The following EIF2B3 variants were observed in gnomAD, a reference collection of about 807,000 sequenced individuals.
EIF2B3 encodes the protein translation initiation factor eIF2B subunit gamma.
EIF2B3 carries 20 observed loss-of-function variants against 54.1 expected under a neutral mutation model. That is an observed-to-expected ratio of 0.37 (90% CI 0.26 to 0.54). The LOEUF is 0.54. EIF2B3 is among the 20% of genes least tolerant of loss of function. EIF2B3 has a pLI of 0.86. For missense variants in EIF2B3, 448 were observed against 547.8 expected (o/e 0.82, Z 1.82); for synonymous variants, 153 against 188.1 (o/e 0.81, Z 1.52).
At chr1:44,969,723 T>C (rs1260043014) in intron 3 of EIF2B3, among the ~76,000 whole-genome samples, 1 of 152,208 alleles carries the variant, frequency 6.6e-6, no homozygotes, top group Non-Finnish European at 1.5e-5. Context: ...CAATGTTGAT[T>C]ACTTTTGTAC....
chr1:44,943,242 G>A (rs1217870330), intron 3 of EIF2B3, among the ~76,000 whole-genome samples: 7 of 151,228 alleles, frequency 4.6e-5, no homozygotes, highest in African/African-American at 1.7e-4. Context: ...AGTCCAGGTT[G>A]GTCTTGAACT....
rs1644490196 is a variant in EIF2B3 at position 44,979,476 on chromosome 1, A to C, written c.149-1016T>G. Among the ~76,000 whole-genome samples the C allele has an allele frequency of 2.9e-5, 4 of 135,868 alleles. No individual in the cohort carries two copies. In the South Asian group the frequency reaches 8.8e-4, roughly 30 times the overall value. 89.1% of individuals were successfully genotyped at this position (135,868 alleles called of 152,430 possible). Reference sequence around the variant, plus strand: ...ACGTGGCGAAACCCTGTCTCTGCCAAAAAAAAAAAAAAAAAAAAAAGGAGG... The same window carrying C: ...ACGTGGCGAAACCCTGTCTCTGCCACAAAAAAAAAAAAAAAAAAAAGGAGG... On this transcript the variant is annotated intron_variant, in intron 2 of 11. Coordinates refer to ENST00000360403, the MANE Select transcript of EIF2B3 (RefSeq NM_020365.5).
At chr1:44,911,222 CATAGGAATGAGAGA>C (rs1340377935) in intron 5 of EIF2B3, among the ~76,000 whole-genome samples, 1 of 152,178 alleles carries the variant, frequency 6.6e-6, no homozygotes, top group East Asian at 1.9e-4. Context: ...CCCAGAGGGT[CATAGGAATGAGAGA>C]ATATTTTTAT....
chr1:44,959,262 G>GA, intron 3 of EIF2B3: 1 of 691,152 alleles, frequency 1.4e-6, no homozygotes, highest in Non-Finnish European at 2.7e-6. Context: ...TTTCAGTTCA[G>GA]ACCTTTTTTT....
At chr1:44,956,282 C>T (rs1252189183) in intron 3 of EIF2B3, among the ~76,000 whole-genome samples, 1 of 152,064 alleles carries the variant, frequency 6.6e-6, no homozygotes, top group Non-Finnish European at 1.5e-5. Flanking sequence ...CCAAACACTG[C>T]ATGTTCTCAC....
intron 4 of EIF2B3, among the ~76,000 whole-genome samples, chr1:44,935,792 C>T (rs1254388162): frequency 1.3e-5 from 2 of 152,222 alleles, no homozygotes; most frequent in African/African-American, 4.8e-5. Flanking sequence ...TGAGCCACTG[C>T]ACCCAGCCTG....
intron 10 of EIF2B3, among the ~76,000 whole-genome samples, chr1:44,859,290 G>T (rs1654536626): frequency 6.7e-6 from 1 of 150,314 alleles, no homozygotes; most frequent in African/African-American, 2.5e-5. Flanking sequence ...AATAGAGGGA[G>T]ATCTTGTCAT....
intron 4 of EIF2B3, among the ~76,000 whole-genome samples, chr1:44,939,467 T>C (rs1433884523): frequency 2.0e-5 from 3 of 152,224 alleles, no homozygotes; most frequent in Non-Finnish European, 2.9e-5. Flanking sequence ...GTTGTAAATA[T>C]AGTTAACAAG....
intron 6 of EIF2B3, among the ~76,000 whole-genome samples, chr1:44,889,315 C>T (rs550299998): frequency 1.3e-5 from 2 of 152,226 alleles, no homozygotes; most frequent in East Asian, 3.9e-4. Flanking sequence ...GCGGGTGGAT[C>T]ACTTGAGGTC....
At chr1:44,913,617 G>A (rs991684674) in intron 5 of EIF2B3, among the ~76,000 whole-genome samples, 6 of 152,096 alleles carry the variant, frequency 3.9e-5, no homozygotes, top group Admixed American at 2.0e-4. Flanking sequence ...GGATCTTCCC[G>A]TCTCCGCCTC....
At chr1:44,912,399 ATTTTTT>A (rs1239884000) in intron 5 of EIF2B3, among the ~76,000 whole-genome samples, 12 of 151,912 alleles carry the variant, frequency 7.9e-5, no homozygotes, top group Admixed American at 7.9e-4. Flanking sequence ...CTGTCAGATT[ATTTTTT>A]TTCAGAATCC....
chr1:44,961,532 T>C (rs192051301), intron 3 of EIF2B3, among the ~76,000 whole-genome samples: 1 of 152,052 alleles, frequency 6.6e-6, no homozygotes, highest in Admixed American at 6.5e-5. Flanking sequence ...ATTTTTTAAA[T>C]TAGGCAGGTG....
At chr1:44,950,311 C>G (rs188061756) in intron 3 of EIF2B3, among the ~76,000 whole-genome samples, 13 of 152,248 alleles carry the variant, frequency 8.5e-5, no homozygotes, top group Middle Eastern at 3.4e-3. Flanking sequence ...GTAGTCCCAG[C>G]TACTTGAGAG....
intron 6 of EIF2B3, among the ~76,000 whole-genome samples, chr1:44,882,928 C>CTTTTTTTTTTTTTTT (rs1003449669): frequency 5.2e-5 from 6 of 114,452 alleles, no homozygotes; most frequent in East Asian, 2.5e-4. Context: ...TTTTCTTTTT[C>CTTTTTTTTTTTTTTT]TTTTTTTTTT....
chr1:44,917,441 C>T (rs774962914), intron 5 of EIF2B3, among the ~76,000 whole-genome samples: 4 of 148,492 alleles, frequency 2.7e-5, no homozygotes, highest in Admixed American at 6.8e-5. Context: ...TGCGGTGAGC[C>T]GAGATCACGC....
At chr1:44,892,003 T>C (rs887058710) in intron 6 of EIF2B3, among the ~76,000 whole-genome samples, 3 of 152,178 alleles carry the variant, frequency 2.0e-5, no homozygotes, top group African/African-American at 7.2e-5. Context: ...CCTCCCAAAA[T>C]GCTGGGATTA....
chr1:44,918,353 A>T (rs548896369), intron 5 of EIF2B3, among the ~76,000 whole-genome samples: 1 of 151,734 alleles, frequency 6.6e-6, no homozygotes, highest in Non-Finnish European at 1.5e-5. Flanking sequence ...AAGTGCTGGG[A>T]TTATAGGAGT....
chr1:44,899,327 A>C (rs1467746974), intron 5 of EIF2B3, among the ~76,000 whole-genome samples: 1 of 152,228 alleles, frequency 6.6e-6, no homozygotes, highest in Non-Finnish European at 1.5e-5. Flanking sequence ...ATAATCAAAC[A>C]TTCCCCTTTC....
Position 44,881,590 on chromosome 1 carries a change from C to A in EIF2B3, c.784+22G>T. ...GGTGCTGCTACCCTTGCCCCTCTTA[C>A]TGAACCAACCCAAGAACTGACCTAA... is the stretch of plus-strand genomic sequence containing the variant. On this transcript the variant is annotated intron_variant, in intron 7 of 11. Coordinates refer to ENST00000360403, the MANE Select transcript of EIF2B3 (RefSeq NM_020365.5). This position sits in a 1 kb window ranked among gnomAD's most constrained non-coding sequence, Gnocchi z 4.0. The A allele has an allele frequency of 5.6e-6, 9 of 1,613,632 alleles. No individual in the cohort carries two copies. Among genetic ancestry groups the A allele is most frequent in the Non-Finnish European group, 7.6e-6 (9 of 1,179,690 alleles).
Sources: allele counts gnomAD v4.1 joint callset (sites outside exome capture counted in the v4.1 genomes callset), GRCh38; gene constraint gnomAD v4.1.1; non-coding constraint Gnocchi (gnomAD v3.1); transcripts MANE v1.5; gene names NCBI Gene and HGNC (gene_info 2026-07-23, HGNC 2026-07-21).